The following NSF variants were observed in gnomAD, a reference collection of about 807,000 sequenced individuals.
NSF encodes the protein vesicle-fusing ATPase.
NSF carries 14 observed loss-of-function variants against 50.3 expected under a neutral mutation model. That is an observed-to-expected ratio of 0.28 (90% CI 0.18 to 0.44). NSF has a LOEUF of 0.44. Ranked by LOEUF, NSF falls within the 20% of genes least tolerant of loss-of-function variation. The pLI, the probability that NSF is intolerant of heterozygous loss-of-function variation, is 1.00. For synonymous variants in NSF, 109 were observed against 175.7 expected, an observed-to-expected ratio of 0.62 and a Z score of 3.00; for missense variants, 218 against 504.3, an observed-to-expected ratio of 0.43 and a Z score of 5.44.
rs933542928 is a variant in NSF at position 46,709,555 on chromosome 17, C to T, written c.1471-1408C>T. 2.0e-5 allele frequency among the ~76,000 whole-genome samples: 3 copies of T among 151,346 alleles called. No homozygotes were observed. The South Asian group carries it at 6.3e-4, about 32-fold the overall frequency. On this transcript the variant is annotated intron_variant, in intron 13 of 20. Coordinates refer to ENST00000398238, the MANE Select transcript of NSF (RefSeq NM_006178.4). ...TGTCTCCCAGGCTGGAGTGCAGTGG[C>T]GTGATCTCGGCTCACTGCAACCTCC...
chr17:46,676,418 G>A (rs1307138560), intron 9 of NSF, among the ~76,000 whole-genome samples: 1 of 137,292 alleles, frequency 7.3e-6, no homozygotes, highest in African/African-American at 2.9e-5. Context: ...TTTTACTAGA[G>A]ATGGAGTTTC....
chr17:46,687,643 A>G (rs1263075239), intron 9 of NSF, among the ~76,000 whole-genome samples: 2 of 151,404 alleles, frequency 1.3e-5, no homozygotes, highest in African/African-American at 4.9e-5. Flanking sequence ...ACTCCTTTTC[A>G]TCCTAAAGCC....
intron 15 of NSF, among the ~76,000 whole-genome samples, chr17:46,722,569 C>T (rs1414727155): frequency 9.9e-5 from 15 of 152,178 alleles, no homozygotes; most frequent in Non-Finnish European, 1.9e-4. Flanking sequence ...TGGCAGCTAA[C>T]CTCACGTACT....
At chr17:46,740,821 C>T (rs2059063997) in intron 17 of NSF, among the ~76,000 whole-genome samples, 1 of 152,054 alleles carries the variant, frequency 6.6e-6, no homozygotes, top group African/African-American at 2.4e-5. Flanking sequence ...ACCACCACGT[C>T]CAGCTAATTT....
At chr17:46,753,339 T>C (rs1469888123) in intron 19 of NSF, among the ~76,000 whole-genome samples, 1 of 152,366 alleles carries the variant, frequency 6.6e-6, no homozygotes, top group East Asian at 1.9e-4. Context: ...GTGAAGTGAA[T>C]GCTTTTTAAT....
chr17:46,755,618 G>A (rs1275104231), intron 20 of NSF, 184 bp from the exon 21 acceptor site: 1 of 711,830 alleles, frequency 1.4e-6, no homozygotes, highest in East Asian at 2.7e-5. Context: ...ATTGGAACCT[G>A]CTTTTACATG....
In NSF at chr17:46,728,952, A is replaced by G; in HGVS notation, c.1908+18A>G. The G allele has an allele frequency of 7.0e-7, 1 of 1,420,648 alleles. No homozygotes were observed. Among genetic ancestry groups the G allele is most frequent in the Non-Finnish European group, 9.8e-7 (1 of 1,017,730 alleles). The allele number at this position is 1,420,648 out of a possible 1,614,324, so 88.0% of individuals were successfully genotyped here. On this transcript the variant is annotated intron_variant, in intron 17 of 20. Coordinates refer to ENST00000398238, the MANE Select transcript of NSF (RefSeq NM_006178.4). ...CTCCTCAGGTAAAATAATACTACTAATAAGGAATATTTTAACAAAGAGTTT... is the reference window on the plus strand; with the variant it reads ...CTCCTCAGGTAAAATAATACTACTAGTAAGGAATATTTTAACAAAGAGTTT...
intron 15 of NSF, chr17:46,721,615 A>G (rs898524354): frequency 1.3e-6 from 2 of 1,583,032 alleles, no homozygotes; most frequent in African/African-American, 1.3e-5. Flanking sequence ...CAAAATTAAC[A>G]TCCTTGCCCG....
chr17:46,728,945 A>G lies in NSF; in HGVS notation c.1908+11A>G, dbSNP rs1232153725. The stretch of plus-strand genomic sequence containing the variant: ...AAGGCACCTCCTCAGGTAAAATAAT[A>G]CTACTAATAAGGAATATTTTAACAA... On this transcript the variant is annotated intron_variant, in intron 17 of 20. Transcript: ENST00000398238. 6.8e-7 allele frequency: 1 copy of G among 1,478,536 alleles called. No individual in the cohort carries two copies. The highest frequency in any genetic ancestry group is 9.4e-7 in the Non-Finnish European group (1 of 1,065,002). 91.6% of individuals were successfully genotyped at this position (1,478,536 alleles called of 1,614,324 possible). A position where few individuals can be genotyped will look rare whatever the true frequency, so the allele number is the denominator to read the frequency against.
At position 46,749,892 on chromosome 17, in the gene NSF, G is replaced by C. The variant is rs375020090; in HGVS notation, c.2028G>C (p.Leu676=). 6 of 1,613,790 alleles carry C rather than the reference G, an allele frequency of 3.7e-6. No individual in the cohort carries two copies. In the African/African-American group the frequency reaches 8.0e-5, roughly 22 times the overall value. ...CCAACATTGCCACAGGAGAGCAGCT[G>C]TTGGAAGCTTTGGAGGTAAAAATGA... ...HVPNIATGEQ[L]LEALELLGNF... Residue 676 remains leucine (L), a synonymous_variant, in exon 18 of 21, where the codon CTG becomes CTC. Transcript: ENST00000398238.
intron 14 of NSF, among the ~76,000 whole-genome samples, chr17:46,711,667 A>T (rs1292246975): frequency 1.3e-5 from 2 of 152,242 alleles, no homozygotes; most frequent in African/African-American, 4.8e-5. Flanking sequence ...GGGGAAGGAC[A>T]TTCCATTCAC....
Position 46,713,863 on chromosome 17 carries a change from C to T in NSF, c.1638C>T (p.His546=). ...LVSVLLEGPP[H]SGKTALAAKI... ...CATATCTTTATGCAGGCCCTCCTCA[C>T]AGTGGGAAGACTGCTTTAGCTGCAA... Residue 546 remains histidine (H), a synonymous_variant, in exon 15 of 21, where the codon CAC becomes CAT. Transcript: ENST00000398238. 2 of 1,611,406 alleles carry T rather than the reference C, an allele frequency of 1.2e-6. No homozygotes were observed. Among genetic ancestry groups the T allele is most frequent in the East Asian group, 2.2e-5 (1 of 44,718 alleles).
At chr17:46,725,013 T>C (rs2058872587) in intron 15 of NSF, among the ~76,000 whole-genome samples, 1 of 152,212 alleles carries the variant, frequency 6.6e-6, no homozygotes, top group Admixed American at 6.5e-5. Context: ...AATTACTCTC[T>C]AATAAGGCAT....
intron 18 of NSF, among the ~76,000 whole-genome samples, chr17:46,750,132 C>T (rs1366308966): frequency 6.6e-6 from 1 of 152,170 alleles, no homozygotes; most frequent in African/African-American, 2.4e-5. Flanking sequence ...GCAGGTGGAT[C>T]ACTTGAGGTC....
chr17:46,755,876 T>C lies in NSF; in HGVS notation c.*53T>C. 2.6e-6 allele frequency: 4 copies of C among 1,566,666 alleles called. No homozygotes were observed. The highest frequency in any genetic ancestry group is 3.5e-6 in the Non-Finnish European group (4 of 1,143,718). ...CCAAGGGAAGTGACCAAGGTGAAGA[T>C]GGCCTAGGATCTTCACTGTCTTACT... is the stretch of plus-strand genomic sequence containing the variant. On this transcript the variant is annotated 3_prime_UTR_variant, in exon 21 of 21. Coordinates refer to ENST00000398238, the MANE Select transcript of NSF (RefSeq NM_006178.4).
intron 1 of NSF, among the ~76,000 whole-genome samples, chr17:46,609,585 TA>T (rs2057986263): frequency 6.8e-6 from 1 of 147,890 alleles, no homozygotes; most frequent in African/African-American, 2.5e-5. Flanking sequence ...TTCTAAATAA[TA>T]AAATATGTAA....
intron 1 of NSF, among the ~76,000 whole-genome samples, chr17:46,610,159 T>C (rs1478188573): frequency 9.4e-6 from 1 of 106,652 alleles, no homozygotes; most frequent in Admixed American, 9.9e-5. Flanking sequence ...AGAGTTTGGG[T>C]CTCACTATAT....
intron 16 of NSF, 151 bp downstream of exon 16, chr17:46,726,766 A>T: frequency 1.4e-6 from 1 of 726,728 alleles, no homozygotes; most frequent in Non-Finnish European, 2.4e-6. Context: ...TTCTCTCTTA[A>T]ATAGCTGACA....
intron 13 of NSF, among the ~76,000 whole-genome samples, chr17:46,705,263 GTC>G (rs527294163): frequency 3.9e-4 from 47 of 119,394 alleles, no homozygotes; most frequent in East Asian, 4.3e-4. Flanking sequence ...ATCCTCCTCT[GTC>G]TCTCTCTCTC....
Sources: gnomAD v4.1 joint callset for allele counts (sites outside exome capture counted in the v4.1 genomes callset) on GRCh38, gnomAD v4.1.1 for gene constraint, MANE v1.5 for transcripts, NCBI Gene and HGNC (gene_info 2026-07-23, HGNC 2026-07-21) for gene names.